Variants in CDH18 observed in about 807,000 individuals in gnomAD.
The protein encoded by CDH18 is cadherin-18.
In CDH18, 31 loss-of-function variants were observed where a neutral mutation model predicts 67.9. The observed-to-expected ratio is 0.46, with a 90% CI of 0.34 to 0.62. CDH18 has a LOEUF of 0.62. Among genes scored for constraint, CDH18 ranks in the 20% least tolerant of loss-of-function variants. The probability of loss-of-function intolerance (pLI) is 0.01; values close to 1 mark genes in which losing one functional copy is unlikely to be tolerated. For synonymous variants in CDH18, 362 were observed against 347.2 expected, an observed-to-expected ratio of 1.04 and a Z score of -0.48; for missense variants, 890 against 975.5, an observed-to-expected ratio of 0.91 and a Z score of 1.17.
chr5:20,361,772 A>C (rs1742107770), intron 1 of CDH18, among the ~76,000 whole-genome samples: 1 of 152,110 alleles, frequency 6.6e-6, no homozygotes, highest in Non-Finnish European at 1.5e-5. Flanking sequence ...TTTTCATCTA[A>C]CAACATTTAC....
chr5:20,000,658 G>A (rs1007008887), intron 2 of CDH18, among the ~76,000 whole-genome samples: 1 of 152,204 alleles, frequency 6.6e-6, no homozygotes, highest in East Asian at 1.9e-4. Flanking sequence ...TTATGAGTCA[G>A]CCACAGATGA....
intron 5 of CDH18, among the ~76,000 whole-genome samples, chr5:19,626,076 T>C (rs970477343): frequency 1.3e-5 from 2 of 152,164 alleles, no homozygotes; most frequent in Admixed American, 1.3e-4. Context: ...TGATGATTTC[T>C]GTAAAACCCA....
At chr5:20,113,806 TGAG>T (rs2126361974) in intron 2 of CDH18, among the ~76,000 whole-genome samples, 1 of 152,220 alleles carries the variant, frequency 6.6e-6, no homozygotes, top group East Asian at 1.9e-4. Flanking sequence ...AGAGAGAAGT[TGAG>T]AACATGTGGA....
chr5:20,485,814 A>G (rs1042810945), intron 1 of CDH18, among the ~76,000 whole-genome samples: 1 of 152,220 alleles, frequency 6.6e-6, no homozygotes, highest in African/African-American at 2.4e-5. Context: ...AACATGTCAT[A>G]GTTAACATAA....
intron 3 of CDH18, among the ~76,000 whole-genome samples, chr5:19,765,466 T>C (rs765281710): frequency 2.0e-5 from 3 of 152,190 alleles, no homozygotes; most frequent in Non-Finnish European, 4.4e-5. Context: ...ATCACATTTT[T>C]TCTCTTAATT....
In CDH18 at chr5:19,609,032, T is replaced by A. The variant is rs574403247; in HGVS notation, c.811+3402A>T. 7.2e-5 allele frequency among the ~76,000 whole-genome samples: 11 copies of A among 152,064 alleles called. No individual in the cohort carries two copies. The East Asian group carries it at 1.9e-3, about 27-fold the overall frequency. ...ATGGTTTGTGCAGAATAAATAAATG[T>A]CAGTGACTTTTTAACCTATCCAAGA... On this transcript the variant is annotated intron_variant, in intron 6 of 12. Coordinates refer to ENST00000382275, the MANE Select transcript of CDH18 (RefSeq NM_004934.5).
chr5:20,570,115 T>C (rs766382873), intron 1 of CDH18, among the ~76,000 whole-genome samples: 26 of 152,202 alleles, frequency 1.7e-4, no homozygotes, highest in Non-Finnish European at 3.2e-4. Flanking sequence ...TACCTTATTA[T>C]ATGTTTGTCA....
chr5:19,893,796 A>G (rs1279139298), intron 2 of CDH18, among the ~76,000 whole-genome samples: 1 of 152,162 alleles, frequency 6.6e-6, no homozygotes, highest in African/African-American at 2.4e-5. Context: ...TTAGGAAGCT[A>G]TTGTTGCTAA....
At chr5:19,725,273 G>A (rs771512323) in intron 4 of CDH18, among the ~76,000 whole-genome samples, 8 of 151,954 alleles carry the variant, frequency 5.3e-5, no homozygotes, top group African/African-American at 1.5e-4. Context: ...ATCCATAACC[G>A]ATATTCAAGC....
At chr5:19,524,307 A>C (rs1747389706) in intron 9 of CDH18, among the ~76,000 whole-genome samples, 1 of 149,354 alleles carries the variant, frequency 6.7e-6, no homozygotes, top group African/African-American at 2.4e-5. Context: ...ATATTATTAT[A>C]TTAATTATAT....
At chr5:19,541,144 A>G (rs1361860178) in intron 9 of CDH18, among the ~76,000 whole-genome samples, 1 of 152,172 alleles carries the variant, frequency 6.6e-6, no homozygotes. Flanking sequence ...GTCTCTGCTA[A>G]GGTACAATAA....
chr5:19,780,999 C>T (rs1044143550), intron 3 of CDH18, among the ~76,000 whole-genome samples: 1 of 151,960 alleles, frequency 6.6e-6, no homozygotes, highest in African/African-American at 2.4e-5. Flanking sequence ...ATTTAAAACG[C>T]CTGTAGAAGC....
intron 2 of CDH18, among the ~76,000 whole-genome samples, chr5:19,863,380 C>T (rs560896606): frequency 1.1e-4 from 16 of 152,278 alleles, no homozygotes; most frequent in African/African-American, 3.4e-4. Flanking sequence ...TGTCCCTTTC[C>T]TATTGACCCA....
intron 1 of CDH18, among the ~76,000 whole-genome samples, chr5:20,335,161 T>G (rs2150033419): frequency 6.6e-6 from 1 of 152,206 alleles, no homozygotes; most frequent in Middle Eastern, 3.4e-3. Context: ...TCCCTCATTA[T>G]GCCTCCTGCT....
chr5:19,937,151 T>A (rs1280715410), intron 2 of CDH18, among the ~76,000 whole-genome samples: 3 of 151,386 alleles, frequency 2.0e-5, no homozygotes, highest in Non-Finnish European at 4.4e-5. Flanking sequence ...GTTTACACTG[T>A]TGAGGGACAG....
intron 1 of CDH18, among the ~76,000 whole-genome samples, chr5:20,475,495 G>A (rs574411906): frequency 6.7e-4 from 102 of 152,270 alleles, no homozygotes; most frequent in African/African-American, 2.2e-3. Context: ...ATATTCATAC[G>A]TTGGTAGCTT....
intron 3 of CDH18, among the ~76,000 whole-genome samples, chr5:19,770,521 A>C (rs563147268): frequency 6.6e-6 from 1 of 152,186 alleles, no homozygotes; most frequent in African/African-American, 2.4e-5. Context: ...TTTAACAGAA[A>C]CAAAGAGATT....
At chr5:19,681,842 C>A (rs964542337) in intron 5 of CDH18, among the ~76,000 whole-genome samples, 1 of 151,960 alleles carries the variant, frequency 6.6e-6, no homozygotes, top group African/African-American at 2.4e-5. Flanking sequence ...CTGTGGTCAT[C>A]ATTTCTAATG....
At chr5:19,739,807 T>G (rs186372403) in intron 4 of CDH18, among the ~76,000 whole-genome samples, 18 of 152,282 alleles carry the variant, frequency 1.2e-4, no homozygotes, top group Admixed American at 9.1e-4. Context: ...GATTTTTAAA[T>G]GGCTACTAGA....
Sources: allele counts gnomAD v4.1 joint callset (sites outside exome capture counted in the v4.1 genomes callset), GRCh38; gene constraint gnomAD v4.1.1; transcripts MANE v1.5; gene names NCBI Gene and HGNC (gene_info 2026-07-23, HGNC 2026-07-21).